The following PRKG1 variants were observed in gnomAD, a reference collection of about 807,000 sequenced individuals.
The protein encoded by PRKG1 is protein kinase cGMP-dependent 1, also known as cGMP-dependent protein kinase 1.
PRKG1 carries 35 observed loss-of-function variants against 88.1 expected under a neutral mutation model. That is an observed-to-expected ratio of 0.40 (90% CI 0.30 to 0.53). The LOEUF (loss-of-function observed/expected upper bound fraction) is 0.53. PRKG1 is among the 20% of genes least tolerant of loss of function. PRKG1 has a pLI of 0.59. For synonymous variants in PRKG1, 303 were observed against 292.5 expected (o/e 1.04, Z -0.37); for missense variants, 540 against 839.8 (o/e 0.64, Z 4.41).
At chr10:52,247,847 A>T (rs1239426784) in intron 9 of PRKG1, among the ~76,000 whole-genome samples, 1 of 152,190 alleles carries the variant, frequency 6.6e-6, no homozygotes, top group African/African-American at 2.4e-5. Flanking sequence ...GGAATTAAAG[A>T]CGCACACACA....
chr10:52,281,523 G>A (rs1475799497), intron 13 of PRKG1, among the ~76,000 whole-genome samples: 1 of 152,066 alleles, frequency 6.6e-6, no homozygotes, highest in African/African-American at 2.4e-5. Context: ...AATCAAATCA[G>A]TGGCAGTTTT....
At position 51,498,204 on chromosome 10, in the gene PRKG1, A is replaced by G. The variant is rs370451323; in HGVS notation, c.592+30368A>G. ...GAAGTTCATAATTTAGTAACTTCCT[A>G]ATTTAATAAGCTCAAAGTCTAATTA... is the stretch of plus-strand genomic sequence containing the variant. On this transcript the variant is annotated intron_variant, in intron 3 of 17. Coordinates refer to ENST00000373980, the MANE Select transcript of PRKG1 (RefSeq NM_006258.4). Among the ~76,000 whole-genome samples the G allele has an allele frequency of 3.9e-5, 6 of 152,334 alleles. 1 individual carries two copies. The East Asian group carries it at 9.6e-4, about 24-fold the overall frequency.
At chr10:51,108,029 C>A (rs1844888991) in intron 1 of PRKG1, among the ~76,000 whole-genome samples, 1 of 151,970 alleles carries the variant, frequency 6.6e-6, no homozygotes, top group Non-Finnish European at 1.5e-5. Context: ...ATTTAAAAGG[C>A]ACATACTACC....
intron 3 of PRKG1, among the ~76,000 whole-genome samples, chr10:51,729,502 T>G (rs930987929): frequency 6.6e-6 from 1 of 151,026 alleles, no homozygotes; most frequent in African/African-American, 2.4e-5. Context: ...GGCTCAGGAG[T>G]TCGAGACCAG....
chr10:50,993,943 G>T (rs962803688), intron 1 of PRKG1, among the ~76,000 whole-genome samples: 3 of 152,174 alleles, frequency 2.0e-5, no homozygotes, highest in African/African-American at 7.2e-5. Flanking sequence ...CATGTTAGGG[G>T]TAGGAACATT....
At chr10:51,007,636 C>A (rs1168012174) in intron 1 of PRKG1, among the ~76,000 whole-genome samples, 3 of 152,196 alleles carry the variant, frequency 2.0e-5, no homozygotes, top group Non-Finnish European at 2.9e-5. Flanking sequence ...ACATCTTTGA[C>A]CTTCAATTTC....
chr10:51,701,022 CA>C (rs1224489608), intron 3 of PRKG1, among the ~76,000 whole-genome samples: 2 of 151,774 alleles, frequency 1.3e-5, no homozygotes, highest in Admixed American at 6.6e-5. Context: ...TGATCAAATA[CA>C]AAAAAAGTAA....
At chr10:50,995,730 C>T (rs918158969) in intron 1 of PRKG1, among the ~76,000 whole-genome samples, 15 of 152,110 alleles carry the variant, frequency 9.9e-5, no homozygotes, top group African/African-American at 3.1e-4. Flanking sequence ...GCTCAGGAAC[C>T]GCACACAATT....
chr10:51,573,134 T>C (rs1219699670), intron 3 of PRKG1, among the ~76,000 whole-genome samples: 1 of 151,840 alleles, frequency 6.6e-6, no homozygotes, highest in Non-Finnish European at 1.5e-5. Context: ...AATATTTTGA[T>C]TGAAATGAGT....
Position 52,031,612 on chromosome 10 carries a change from G to A in PRKG1, c.763-22872G>A, listed in dbSNP as rs1426730960. Among the ~76,000 whole-genome samples the A allele has an allele frequency of 2.0e-5, 3 of 152,170 alleles. No homozygotes were observed. In the South Asian group the frequency reaches 6.2e-4, roughly 32 times the overall value. On this transcript the variant is annotated intron_variant, in intron 5 of 17. Transcript: ENST00000373980. ...AGTGCAAAACAAGCAGTATTTTAATGTAAATTCTAATTAATTCAATTTAAC... is the reference window on the plus strand; with the variant it reads ...AGTGCAAAACAAGCAGTATTTTAATATAAATTCTAATTAATTCAATTTAAC...
chr10:51,076,700 C>T (rs1318093610), intron 1 of PRKG1, among the ~76,000 whole-genome samples: 1 of 152,158 alleles, frequency 6.6e-6, no homozygotes, highest in African/African-American at 2.4e-5. Flanking sequence ...GTTTAAAAGC[C>T]TCTTTGTACA....
At position 51,446,865 on chromosome 10, in the gene PRKG1, A is replaced by G. The variant is rs555795257; in HGVS notation, c.479-20858A>G. Reference sequence around the variant, plus strand: ...AGCTATGTATGTACATTCCTAAACTACCTGCTCTCAGCAGCCATTTCTCAT... The same window carrying G: ...AGCTATGTATGTACATTCCTAAACTGCCTGCTCTCAGCAGCCATTTCTCAT... On this transcript the variant is annotated intron_variant, in intron 2 of 17. Transcript: ENST00000373980. 3.3e-5 allele frequency among the ~76,000 whole-genome samples: 5 copies of G among 152,152 alleles called. No homozygotes were observed. In the East Asian group the frequency reaches 9.7e-4, roughly 29 times the overall value.
intron 9 of PRKG1, among the ~76,000 whole-genome samples, chr10:52,163,081 A>AG (rs1488304991): frequency 6.6e-6 from 1 of 151,928 alleles, no homozygotes; most frequent in Admixed American, 6.6e-5. Flanking sequence ...GAGGTGGGAA[A>AG]GGGGGTCATT....
chr10:51,191,072 C>T (rs1342927913), intron 2 of PRKG1, among the ~76,000 whole-genome samples: 1 of 151,838 alleles, frequency 6.6e-6, no homozygotes, highest in Non-Finnish European at 1.5e-5. Flanking sequence ...AACTGTTATA[C>T]CTTGATATAT....
At chr10:52,188,250 GTGTATA>G (rs1839259148) in intron 9 of PRKG1, among the ~76,000 whole-genome samples, 3 of 46,818 alleles carry the variant, frequency 6.4e-5, no homozygotes, top group Non-Finnish European at 1.5e-4. Context: ...ACATATATAT[GTGTATA>G]TATATACATA....
chr10:52,291,694 A>G (rs1176354518), intron 17 of PRKG1, among the ~76,000 whole-genome samples: 1 of 151,978 alleles, frequency 6.6e-6, no homozygotes, highest in Non-Finnish European at 1.5e-5. Flanking sequence ...GCTATTGTGA[A>G]TAGTGCCGCA....
At chr10:51,254,465 C>T (rs1301700341) in intron 2 of PRKG1, among the ~76,000 whole-genome samples, 2 of 151,944 alleles carry the variant, frequency 1.3e-5, no homozygotes, top group African/African-American at 2.4e-5. Context: ...TTCTGTTCAA[C>T]CTTTTCACCA....
intron 2 of PRKG1, among the ~76,000 whole-genome samples, chr10:51,418,645 T>C (rs1288820286): frequency 1.3e-5 from 2 of 152,194 alleles, no homozygotes; most frequent in Non-Finnish European, 2.9e-5. Context: ...TGAATGAGAA[T>C]GTAGCCAATA....
intron 2 of PRKG1, among the ~76,000 whole-genome samples, chr10:51,390,052 C>T (rs866585231): frequency 6.6e-6 from 1 of 152,194 alleles, no homozygotes; most frequent in Admixed American, 6.5e-5. Flanking sequence ...GCTTGGTAAG[C>T]AGGAATGTTT....
Sources: gnomAD v4.1 joint callset for allele counts (sites outside exome capture counted in the v4.1 genomes callset) on GRCh38, gnomAD v4.1.1 for gene constraint, MANE v1.5 for transcripts, NCBI Gene and HGNC (gene_info 2026-07-23, HGNC 2026-07-21) for gene names.